ANXA8: variants seen among roughly 807,000 people sequenced by gnomAD.
ANXA8 encodes the protein annexin A8.
A neutral mutation model predicts 26.8 loss-of-function variants in ANXA8; 9 were observed. The ratio of observed to expected loss-of-function variants is 0.34; its 90% confidence interval spans 0.20 to 0.59. ANXA8 has a LOEUF of 0.59. ANXA8 is among the 20% of genes least tolerant of loss of function. ANXA8 has a pLI of 0.84. For missense variants in ANXA8, 83 were observed against 238.5 expected (o/e 0.35, Z 4.29); for synonymous variants, 39 against 94.8 (o/e 0.41, Z 3.42).
At chr10:47,873,096 CCT>C in the ANXA8 span, among the ~76,000 whole-genome samples, 29 of 77,278 alleles carry the variant, frequency 3.8e-4, no homozygotes, top group Admixed American at 2.5e-3. Flanking sequence ...TTGGTTTCCC[CCT>C]GTGTCTACCT....
the ANXA8 span, among the ~76,000 whole-genome samples, chr10:47,584,355 TTAAG>T: frequency 1.4e-5 from 2 of 145,044 alleles, no homozygotes; most frequent in Non-Finnish European, 1.5e-5. Context: ...AAGTCTTGCA[TTAAG>T]TAAGTGAATG....
the ANXA8 span, among the ~76,000 whole-genome samples, chr10:47,529,882 A>G: frequency 1.8e-3 from 240 of 134,928 alleles, no homozygotes; most frequent in East Asian, 9.2e-3. Context: ...TGGTTTTATG[A>G]TCCTCTGCAG....
chr10:47,681,356 GTTC>G, the ANXA8 span, among the ~76,000 whole-genome samples: 7 of 150,688 alleles, frequency 4.6e-5, no homozygotes, highest in African/African-American at 1.2e-4. Context: ...AAGTAGCAAA[GTTC>G]TTTTTTTTTT....
chr10:47,718,048 AG>A, the ANXA8 span, among the ~76,000 whole-genome samples: 1 of 150,026 alleles, frequency 6.7e-6, no homozygotes, highest in Non-Finnish European at 1.5e-5. Context: ...GAGGAGAGCA[AG>A]GGTTGAAAAA....
the ANXA8 span, among the ~76,000 whole-genome samples, chr10:47,647,100 A>G: frequency 6.6e-6 from 1 of 152,262 alleles, no homozygotes; most frequent in Non-Finnish European, 1.5e-5. Context: ...TGGCTCAAAC[A>G]TAAACACTAT....
At chr10:47,621,080 A>AT in the ANXA8 span, among the ~76,000 whole-genome samples, 14 of 101,532 alleles carry the variant, frequency 1.4e-4, 5 homozygotes, top group African/African-American at 4.7e-4. Context: ...AAATAGCAGC[A>AT]TTTTTTTTCC....
At chr10:47,951,724 T>C in the ANXA8 span, among the ~76,000 whole-genome samples, 166 of 130,646 alleles carry the variant, frequency 1.3e-3, 16 homozygotes, top group East Asian at 0.04. Flanking sequence ...GGCAGGAGAA[T>C]CACTTGAACC....
the ANXA8 span, among the ~76,000 whole-genome samples, chr10:47,589,772 T>C: frequency 6.9e-6 from 1 of 145,276 alleles, no homozygotes; most frequent in Admixed American, 6.7e-5. Context: ...CTGCCCACAT[T>C]TGCCTTGGTT....
At chr10:47,503,170 C>A in the ANXA8 span, 1 of 1,607,156 alleles carries the variant, frequency 6.2e-7, no homozygotes, top group Non-Finnish European at 8.5e-7. Context: ...CATATAATCA[C>A]CTAAGCTTGA....
chr10:47,503,188 G>T, the ANXA8 span: 75 of 1,604,642 alleles, frequency 4.7e-5, no homozygotes, highest in South Asian at 8.2e-4. Flanking sequence ...TGAATAATAG[G>T]TGAGCACGCC....
At chr10:47,469,759 CT>C (rs1227168523) in intron 11 of ANXA8, among the ~76,000 whole-genome samples, 2 of 151,520 alleles carry the variant, frequency 1.3e-5, no homozygotes, top group African/African-American at 4.9e-5. Context: ...GCTAGACCCA[CT>C]TTCCACACTC....
the ANXA8 span, among the ~76,000 whole-genome samples, chr10:47,871,495 C>A: frequency 6.6e-6 from 1 of 150,970 alleles, no homozygotes; most frequent in Admixed American, 6.6e-5. Flanking sequence ...AAAGTGCTTT[C>A]ACATTTGTAA....
At chr10:47,778,401 GA>G in the ANXA8 span, among the ~76,000 whole-genome samples, 1 of 148,170 alleles carries the variant, frequency 6.7e-6, no homozygotes, top group African/African-American at 2.5e-5. Context: ...CTCTCAACCT[GA>G]GACCAGCGAA....
chr10:47,720,645 C>G, the ANXA8 span, among the ~76,000 whole-genome samples: 6,068 of 139,920 alleles, frequency 0.043, 276 homozygotes, highest in African/African-American at 0.086. Context: ...GTGTTTTATG[C>G]TCCTTATGAT....
chr10:47,559,827 C>A, the ANXA8 span, among the ~76,000 whole-genome samples: 13 of 151,906 alleles, frequency 8.6e-5, no homozygotes, highest in Non-Finnish European at 2.9e-5. Flanking sequence ...AGGGCTTCTT[C>A]CACTAAGCTG....
upstream of ANXA8, among the ~76,000 whole-genome samples, chr10:47,488,713 A>ATTTTTTTTTTTTTTTTTTT (rs1160121365): frequency 1.6e-5 from 1 of 62,106 alleles, no homozygotes. Context: ...TACATGTTAA[A>ATTTTTTTTTTTTTTTTTTT]TTTTTTTTTT....
the ANXA8 span, chr10:47,565,796 C>A: frequency 6.0e-3 from 6,438 of 1,064,322 alleles, 19 homozygotes; most frequent in Admixed American, 6.9e-3. Flanking sequence ...CGGAACCCAA[C>A]GGCTGCAGCG....
At chr10:47,529,083 G>C in the ANXA8 span, among the ~76,000 whole-genome samples, 3 of 144,562 alleles carry the variant, frequency 2.1e-5, 1 homozygote, top group Admixed American at 2.1e-4. Flanking sequence ...ACAACAATTG[G>C]ATATGGAAAA....
chr10:47,732,786 G>T, the ANXA8 span, among the ~76,000 whole-genome samples: 4 of 144,960 alleles, frequency 2.8e-5, no homozygotes, highest in Non-Finnish European at 4.6e-5. Flanking sequence ...ACAACATTGG[G>T]TGCATGATCC....
Sources: allele counts gnomAD v4.1 joint callset (sites outside exome capture counted in the v4.1 genomes callset), GRCh38; gene constraint gnomAD v4.1.1; transcripts MANE v1.5; gene names NCBI Gene and HGNC (gene_info 2026-07-23, HGNC 2026-07-21).